The following SMG1 variants were observed in gnomAD, a reference collection of about 807,000 sequenced individuals.
SMG1 encodes the protein SMG1 nonsense mediated mRNA decay associated PI3K related kinase, also known as serine/threonine-protein kinase SMG1.
Under a neutral mutation model 419.9 loss-of-function variants are expected in SMG1, and 22 were observed. That is an observed-to-expected ratio of 0.05 (90% CI 0.04 to 0.07). SMG1 has a LOEUF of 0.07. Among genes scored for constraint, SMG1 ranks in the 10% least tolerant of loss-of-function variants. The pLI is 1.00. For synonymous variants in SMG1, 1,538 were observed against 1,553.5 expected (o/e 0.99, Z 0.23); for missense variants, 3,185 against 4,342.0 (o/e 0.73, Z 7.49).
At position 18,808,392 on chromosome 16, in the gene SMG1, A is replaced by G. The variant is rs1029588109; in HGVS notation, c.*1177T>C. On this transcript the variant is annotated 3_prime_UTR_variant, in exon 63 of 63. Coordinates refer to ENST00000446231, the MANE Select transcript of SMG1 (RefSeq NM_015092.5). Reference sequence around the variant, plus strand: ...CTTTTAATTTACTAAGTGTAAATTAAAAGTATCAAATGAAAAACATGAATT... The same window carrying G: ...CTTTTAATTTACTAAGTGTAAATTAGAAGTATCAAATGAAAAACATGAATT... 11 of 152,236 alleles carry G rather than the reference A, an allele frequency of 7.2e-5. No individual in the cohort carries two copies. Among genetic ancestry groups the G allele is most frequent in the Non-Finnish European group, 1.6e-4 (11 of 68,038 alleles). The allele number at this position is 152,236 out of a possible 1,614,324, so 9.4% of individuals were successfully genotyped here.
At position 18,847,843 on chromosome 16, in the gene SMG1, G is replaced by A. The variant is rs78023725; in HGVS notation, c.5814C>T (p.Ser1938=). The stretch of plus-strand genomic sequence containing the variant: ...GTAATACCATGGTGGGGTTTGCAGA[G>A]GACAGCTTATCTACAATTTTGCTGT... ...DCYSKIVDKL[S]SANPTMVLQV... is the part of the protein sequence containing the mutation. Residue 1938 remains serine (S), a synonymous_variant, in exon 37 of 63, where the codon TCC becomes TCT. Coordinates refer to ENST00000446231, the MANE Select transcript of SMG1 (RefSeq NM_015092.5). 1.2e-5 allele frequency: 19 copies of A among 1,613,884 alleles called. No individual in the cohort carries two copies. In the East Asian group the frequency reaches 2.2e-4, roughly 19 times the overall value.
chr16:18,809,979 TA>T (rs951552701), intron 62 of SMG1, among the ~76,000 whole-genome samples: 141 of 143,096 alleles, frequency 9.9e-4, no homozygotes, highest in Admixed American at 1.4e-3. Context: ...AACGGTTTCT[TA>T]AAAAAAAAAA....
At chr16:18,918,787 C>A (rs58686769) in intron 1 of SMG1, among the ~76,000 whole-genome samples, 1 of 152,000 alleles carries the variant, frequency 6.6e-6, no homozygotes, top group Non-Finnish European at 1.5e-5. Context: ...GAGGTCAAGG[C>A]GGGCAGATCA....
At chr16:18,860,623 C>T (rs2035163792) in intron 26 of SMG1, 44 bp downstream of exon 26, 1 of 815,860 alleles carries the variant, frequency 1.2e-6, no homozygotes, top group Non-Finnish European at 2.0e-6. Context: ...ACATTTTGAG[C>T]AACTTGTCCA....
At position 18,815,516 on chromosome 16, in the gene SMG1, C is replaced by G; in HGVS notation, c.10438G>C (p.Val3480Leu). ...LFTLVQAMGQ[V>L]RSQEHVEMLQ... ...ATTTCAACGTGTTCTTGACTTCGAA[C>G]CTGACCCATAGCCTGGACTAATGTA... is the stretch of plus-strand genomic sequence containing the variant. Residue 3480 changes from valine to leucine, a missense_variant, in exon 59 of 63, where the codon GTT becomes CTT. Physicochemically the swap from Val to Leu is conservative, Grantham distance 32. Around this residue, in one of 27 missense-constraint regions of SMG1, gnomAD observed 737 missense variants for 846.6 expected, o/e 0.87. Coordinates refer to ENST00000446231, the MANE Select transcript of SMG1 (RefSeq NM_015092.5). 1 of 1,613,970 alleles carries G rather than the reference C, an allele frequency of 6.2e-7. No homozygotes were observed. The highest frequency in any genetic ancestry group is 8.5e-7 in the Non-Finnish European group (1 of 1,179,880).
chr16:18,895,920 A>T, intron 3 of SMG1, 132 bp downstream of exon 3: 1 of 942,068 alleles, frequency 1.1e-6, no homozygotes, highest in Non-Finnish European at 1.7e-6. Context: ...AATGAATGTA[A>T]ACAATTTTTA....
chr16:18,883,023 C>CAA (rs1160823536), intron 9 of SMG1, among the ~76,000 whole-genome samples: 1 of 151,678 alleles, frequency 6.6e-6, no homozygotes. Flanking sequence ...GGTGTGGGGG[C>CAA]AAAGAAAAAA....
intron 51 of SMG1, 126 bp downstream of exon 51, chr16:18,832,814 A>G: frequency 1.3e-6 from 1 of 786,886 alleles, no homozygotes; most frequent in Non-Finnish European, 2.1e-6. Context: ...TACGTGTATG[A>G]GCATTTATAA....
chr16:18,907,831 G>T (rs1213473015), intron 1 of SMG1, among the ~76,000 whole-genome samples: 4 of 101,446 alleles, frequency 3.9e-5, no homozygotes, highest in Non-Finnish European at 7.1e-5. Flanking sequence ...CCACCTAGGC[G>T]ACAGAACGAG....
At chr16:18,869,551 C>T (rs1050985278) in intron 19 of SMG1, among the ~76,000 whole-genome samples, 4 of 151,942 alleles carry the variant, frequency 2.6e-5, no homozygotes, top group African/African-American at 7.3e-5. Context: ...GAAACTCACT[C>T]AATTCAACTA....
intron 10 of SMG1, 101 bp downstream of exon 10, chr16:18,882,064 C>T: frequency 1.3e-6 from 1 of 789,976 alleles, no homozygotes; most frequent in Non-Finnish European, 1.9e-6. Flanking sequence ...ACATGCTAAA[C>T]AAATGAAGGA....
intron 13 of SMG1, chr16:18,875,774 AAG>A (rs1224218138): frequency 2.1e-5 from 7 of 331,276 alleles, no homozygotes; most frequent in Non-Finnish European, 3.8e-5. Context: ...GGGAAGAAGA[AAG>A]AGACCGCATT....
intron 23 of SMG1, among the ~76,000 whole-genome samples, chr16:18,864,537 C>T (rs986769023): frequency 9.9e-5 from 15 of 151,956 alleles, no homozygotes; most frequent in African/African-American, 3.4e-4. Flanking sequence ...TTACTGTCAC[C>T]CAGGCTGGAG....
At chr16:18,811,706 C>A in intron 62 of SMG1, 55 bp downstream of exon 62, 1 of 1,417,752 alleles carries the variant, frequency 7.1e-7, no homozygotes, top group Non-Finnish European at 1.0e-6. Context: ...TCTTTATACA[C>A]CTCTACTTTT....
At chr16:18,905,703 C>A (rs1474979713) in intron 1 of SMG1, among the ~76,000 whole-genome samples, 1 of 151,328 alleles carries the variant, frequency 6.6e-6, no homozygotes, top group Non-Finnish European at 1.5e-5. Flanking sequence ...ACCTCCACCT[C>A]CAGGTTCAAG....
In SMG1 at chr16:18,836,466, C is replaced by T; in HGVS notation, c.7671G>A (p.Leu2557=). 3 of 1,614,052 alleles carry T rather than the reference C, an allele frequency of 1.9e-6. No individual in the cohort carries two copies. Among genetic ancestry groups the T allele is most frequent in the Non-Finnish European group, 2.5e-6 (3 of 1,179,908 alleles). ...GTGTTATCCATTGTTCAAATTCATT[C>T]AGCTTCACCTGGATTGCTTCCTGAA... ...RAVQEAIQVK[L]NEFEQWITHY... Residue 2557 remains leucine (L), a synonymous_variant, in exon 47 of 63, where the codon CTG becomes CTA. Transcript: ENST00000446231.
chr16:18,849,629 G>A (rs900113550), intron 35 of SMG1, among the ~76,000 whole-genome samples: 5 of 152,142 alleles, frequency 3.3e-5, no homozygotes, highest in African/African-American at 9.7e-5. Flanking sequence ...ACGGAGAAAT[G>A]TATCTTCTGT....
intron 5 of SMG1, among the ~76,000 whole-genome samples, chr16:18,890,149 T>C (rs1000788350): frequency 2.6e-5 from 4 of 152,142 alleles, no homozygotes; most frequent in Non-Finnish European, 4.4e-5. Flanking sequence ...CTGGAGATTC[T>C]AATAGCCAGA....
At position 18,838,650 on chromosome 16, in the gene SMG1, A is replaced by G; in HGVS notation, c.6985T>C (p.Tyr2329His). 1 of 1,613,090 alleles carries G rather than the reference A, an allele frequency of 6.2e-7. No homozygotes were observed. Among genetic ancestry groups the G allele is most frequent in the Non-Finnish European group, 8.5e-7 (1 of 1,179,540 alleles). ...TGTCTGTCTCCAAGGCCAATTATGTATCCAACCATAGACATGACTGCAGTA... is the reference window on the plus strand; with the variant it reads ...TGTCTGTCTCCAAGGCCAATTATGTGTCCAACCATAGACATGACTGCAGTA... ...RSTAVMSMVGYIIGLGDRHLD... is the reference protein window; with the variant it reads ...RSTAVMSMVGHIIGLGDRHLD... Residue 2329 changes from tyrosine to histidine, a missense_variant, in exon 43 of 63, where the codon TAC (tyrosine) becomes CAC (histidine). Physicochemically the swap from Tyr to His is moderately conservative, Grantham distance 83. Coordinates refer to ENST00000446231, the MANE Select transcript of SMG1 (RefSeq NM_015092.5).
Sources: gnomAD v4.1 joint callset for allele counts (sites outside exome capture counted in the v4.1 genomes callset) on GRCh38, gnomAD v4.1.1 for gene constraint, gnomAD v4.1.1 regional missense constraint, MANE v1.5 for transcripts, NCBI Gene and HGNC (gene_info 2026-07-23, HGNC 2026-07-21) for gene names.